Variants in WASF2 observed in about 807,000 individuals in gnomAD.
WASF2 encodes the protein actin-binding protein WASF2.
In WASF2, 14 loss-of-function variants were observed where a neutral mutation model predicts 45.0. The observed-to-expected ratio is 0.31, with a 90% CI of 0.21 to 0.49. The LOEUF (loss-of-function observed/expected upper bound fraction) is 0.49. Ranked by LOEUF, WASF2 falls within the 20% of genes least tolerant of loss-of-function variation. The pLI, the probability that WASF2 is intolerant of heterozygous loss-of-function variation, is 0.99. For synonymous variants in WASF2, 200 were observed against 236.3 expected (o/e 0.85, Z 1.41); for missense variants, 439 against 636.1 (o/e 0.69, Z 3.33).
At position 27,415,147 on chromosome 1, in the gene WASF2, C is replaced by T. The variant is rs114611382; in HGVS notation, c.538-184G>A. 7.6e-3 allele frequency among the ~76,000 whole-genome samples: 1,155 copies of T among 152,266 alleles called. 16 individuals are homozygous for T. Among genetic ancestry groups the T allele is most frequent in the African/African-American group, 0.026 (1,075 of 41,540 alleles). On this transcript the variant is annotated intron_variant, in intron 5 of 8. Transcript: ENST00000618852. ...GAGGCCATCTAATCCAAACCATCCC[C>T]GGGTGAAACATTTGCTCAATCCCAC...
intron 1 of WASF2, among the ~76,000 whole-genome samples, chr1:27,432,556 G>A (rs1203621455): frequency 7.2e-6 from 1 of 138,288 alleles, no homozygotes; most frequent in Non-Finnish European, 1.5e-5. Flanking sequence ...GCTGAGGCAG[G>A]AGAATGGTGT....
intron 2 of WASF2, among the ~76,000 whole-genome samples, chr1:27,426,305 T>C (rs561532213): frequency 6.6e-6 from 1 of 152,248 alleles, no homozygotes; most frequent in African/African-American, 2.4e-5. Flanking sequence ...GGCAGGGATA[T>C]AGGAACAGAT....
intron 2 of WASF2, among the ~76,000 whole-genome samples, chr1:27,421,707 T>G (rs2016910750): frequency 6.6e-6 from 1 of 152,052 alleles, no homozygotes; most frequent in Admixed American, 6.5e-5. Flanking sequence ...TCCCAGCTAC[T>G]CAGGAGGCTG....
At position 27,405,241 on chromosome 1, in the gene WASF2, AGCTGCTCTGAGCCTCCAAGGGCTG is replaced by A. The variant is rs1278174378; in HGVS notation, c.*2924_*2947del. ...CTGGAGGCGAGCTGGAGCCTGGGCC[AGCTGCTCTGAGCCTCCAAGGGCTG>A]GCTGAGCCTGCCCCCTCCCCCAGGC... On this transcript the variant is annotated 3_prime_UTR_variant, in exon 9 of 9. Transcript: ENST00000618852. 6.6e-6 allele frequency: 1 copy of A among 152,258 alleles called. No homozygotes were observed. Among genetic ancestry groups the A allele is most frequent in the Non-Finnish European group, 1.5e-5 (1 of 68,076 alleles). 9.4% of individuals were successfully genotyped at this position (152,258 alleles called of 1,614,324 possible). A position where few individuals can be genotyped will look rare whatever the true frequency, so the allele number is the denominator to read the frequency against.
At chr1:27,412,197 C>A (rs1403582153) in intron 7 of WASF2, among the ~76,000 whole-genome samples, 3 of 152,082 alleles carry the variant, frequency 2.0e-5, no homozygotes, top group African/African-American at 7.2e-5. Flanking sequence ...GTGGTCTTGA[C>A]CTAGGGTTTT....
chr1:27,424,721 T>C (rs1471485827), intron 2 of WASF2, among the ~76,000 whole-genome samples: 1 of 152,192 alleles, frequency 6.6e-6, no homozygotes, highest in Non-Finnish European at 1.5e-5. Flanking sequence ...AGGGTCTCAC[T>C]ATGTTGCCCA....
At position 27,404,568 on chromosome 1, in the gene WASF2, C is replaced by G. The variant is rs1411580016; in HGVS notation, c.*3621G>C. On this transcript the variant is annotated 3_prime_UTR_variant, in exon 9 of 9. Transcript: ENST00000618852. ...CGGCATCCCTACTACACATATACCCCCCTTCCCTAAAATCTTGATGTGGCA... is the reference window on the plus strand; with the variant it reads ...CGGCATCCCTACTACACATATACCCGCCTTCCCTAAAATCTTGATGTGGCA... 2.6e-5 allele frequency: 4 copies of G among 152,158 alleles called. No homozygotes were observed. Among genetic ancestry groups the G allele is most frequent in the African/African-American group, 9.7e-5 (4 of 41,408 alleles). 9.4% of individuals were successfully genotyped at this position (152,158 alleles called of 1,614,324 possible).
intron 1 of WASF2, among the ~76,000 whole-genome samples, chr1:27,477,179 C>T (rs2017777052): frequency 6.6e-6 from 1 of 152,130 alleles, no homozygotes; most frequent in South Asian, 2.1e-4. Flanking sequence ...TAGAGAAGGC[C>T]TAGAAAGATA....
chr1:27,465,927 A>G (rs894001226), intron 1 of WASF2, among the ~76,000 whole-genome samples: 2 of 152,206 alleles, frequency 1.3e-5, no homozygotes, highest in African/African-American at 2.4e-5. Flanking sequence ...GTCAAAAGGA[A>G]TCAGGAGCTA....
intron 1 of WASF2, among the ~76,000 whole-genome samples, chr1:27,458,456 A>G (rs2017502524): frequency 6.6e-6 from 1 of 152,056 alleles, no homozygotes; most frequent in South Asian, 2.1e-4. Context: ...CCAGTTAAAG[A>G]TAACAAATAT....
rs1413044762 is a variant in WASF2, at chr1:27,414,541, T to G, written c.668+292A>C. 6.6e-6 allele frequency among the ~76,000 whole-genome samples: 1 copy of G among 152,180 alleles called. No individual in the cohort carries two copies. The highest frequency in any genetic ancestry group is 2.4e-5 in the African/African-American group (1 of 41,438). On this transcript the variant is annotated intron_variant, in intron 6 of 8. Transcript: ENST00000618852. The surrounding 1 kb of genome is among the most constrained non-coding windows in gnomAD (Gnocchi z 4.1). ...GACCACTTTTCTTCCCTTTCCAATCTTTCCTCTGGGGCCCTTAGATGTGTA... is the reference window on the plus strand; with the variant it reads ...GACCACTTTTCTTCCCTTTCCAATCGTTCCTCTGGGGCCCTTAGATGTGTA...
rs1456201047 is a variant in WASF2, at chr1:27,407,413, T to A, written c.*776A>T. On this transcript the variant is annotated 3_prime_UTR_variant, in exon 9 of 9. Coordinates refer to ENST00000618852, the MANE Select transcript of WASF2 (RefSeq NM_006990.5). ...GCCAGAAGAGGCCCCTGTCCTCATG[T>A]GTCAGGGATAGTTTGGTCATGGATA... 1 of 152,690 alleles carries A rather than the reference T, an allele frequency of 6.5e-6. No homozygotes were observed. Among genetic ancestry groups the A allele is most frequent in the Non-Finnish European group, 1.5e-5 (1 of 68,084 alleles). The allele number at this position is 152,690 out of a possible 1,614,324, so 9.5% of individuals were successfully genotyped here.
At chr1:27,476,608 C>CAG (rs927582576) in intron 1 of WASF2, among the ~76,000 whole-genome samples, 3 of 151,912 alleles carry the variant, frequency 2.0e-5, no homozygotes, top group African/African-American at 7.3e-5. Context: ...AAACCTCTTC[C>CAG]AGAGGCTTCT....
At chr1:27,483,286 AC>A (rs1023051625) in intron 1 of WASF2, among the ~76,000 whole-genome samples, 4 of 152,062 alleles carry the variant, frequency 2.6e-5, no homozygotes, top group African/African-American at 9.7e-5. Context: ...CCTGACCAAC[AC>A]GGTGAAACCC....
At chr1:27,467,897 G>A (rs2017637704) in intron 1 of WASF2, among the ~76,000 whole-genome samples, 2 of 151,818 alleles carry the variant, frequency 1.3e-5, no homozygotes, top group Admixed American at 6.6e-5. Context: ...GGGTGACAGA[G>A]CAATTTCCTG....
chr1:27,485,609 A>C (rs559035135), intron 1 of WASF2, among the ~76,000 whole-genome samples: 3 of 152,342 alleles, frequency 2.0e-5, no homozygotes, highest in Non-Finnish European at 2.9e-5. Context: ...CAGAAACAAC[A>C]AAAGGTGTCT....
rs558713541 is a variant in WASF2, at chr1:27,431,835, T to C, written c.-43-2902A>G. 7.0e-4 allele frequency among the ~76,000 whole-genome samples: 106 copies of C among 152,278 alleles called. No homozygotes were observed. In the South Asian group the frequency reaches 0.021, roughly 31 times the overall value. ...TGTTTGGGGTTTACCTGGAACCAAG[T>C]TTTCTAAAGCAAATGGCTTATTGTC... On this transcript the variant is annotated intron_variant, in intron 1 of 8. Transcript: ENST00000618852.
chr1:27,466,386 C>A (rs2017611648), intron 1 of WASF2, among the ~76,000 whole-genome samples: 1 of 152,170 alleles, frequency 6.6e-6, no homozygotes, highest in African/African-American at 2.4e-5. Flanking sequence ...AGCCTCCTCA[C>A]AGAATAATAC....
chr1:27,462,092 C>A (rs769893008), intron 1 of WASF2, among the ~76,000 whole-genome samples: 1 of 151,880 alleles, frequency 6.6e-6, no homozygotes, highest in Admixed American at 6.6e-5. Context: ...ATTCTCCTGC[C>A]TCAGCCTCCC....
Sources: gnomAD v4.1 joint callset for allele counts (sites outside exome capture counted in the v4.1 genomes callset) on GRCh38, gnomAD v4.1.1 for gene constraint, Gnocchi (gnomAD v3.1) non-coding constraint, MANE v1.5 for transcripts, NCBI Gene and HGNC (gene_info 2026-07-23, HGNC 2026-07-21) for gene names.